The following BRSK2 variants were observed in gnomAD, a reference collection of about 807,000 sequenced individuals.
BRSK2 encodes the protein serine/threonine-protein kinase BRSK2.
BRSK2 carries 19 observed loss-of-function variants against 83.3 expected under a neutral mutation model. That is an observed-to-expected ratio of 0.23 (90% CI 0.16 to 0.33). BRSK2 has a LOEUF of 0.33. Among genes scored for constraint, BRSK2 ranks in the 10% least tolerant of loss-of-function variants. The pLI, the probability that BRSK2 is intolerant of heterozygous loss-of-function variation, is 1.00. For synonymous variants in BRSK2, 519 were observed against 435.4 expected, an observed-to-expected ratio of 1.19 and a Z score of -2.39; for missense variants, 798 against 1,042.3, an observed-to-expected ratio of 0.77 and a Z score of 3.23.
intron 1 of BRSK2, among the ~76,000 whole-genome samples, chr11:1,428,406 T>C (rs1369441868): frequency 6.6e-6 from 1 of 152,188 alleles, no homozygotes; most frequent in Non-Finnish European, 1.5e-5. Context: ...AATGCCTTCT[T>C]CCATGTGGTC....
rs1476869948 is a variant in BRSK2 at position 1,451,540 on chromosome 11, T to C, written c.1544+121T>C. On this transcript the variant is annotated intron_variant, in intron 15 of 19. Coordinates refer to ENST00000528841, the MANE Select transcript of BRSK2 (RefSeq NM_001256627.2). ...TTCTCCACGTGGCCCCACCTCCCACTGCAGGCAGGCCCGTCTCGGCCACTG... is the reference window on the plus strand; with the variant it reads ...TTCTCCACGTGGCCCCACCTCCCACCGCAGGCAGGCCCGTCTCGGCCACTG... 4.8e-6 allele frequency: 5 copies of C among 1,040,538 alleles called. No individual in the cohort carries two copies. In the South Asian group the frequency reaches 5.2e-5, roughly 11 times the overall value. 64.5% of individuals were successfully genotyped at this position (1,040,538 alleles called of 1,614,324 possible).
In BRSK2 at chr11:1,445,580, G is replaced by A. The variant is rs1272727606; in HGVS notation, c.987G>A (p.Gln329=). The A allele has an allele frequency of 3.8e-6, 6 of 1,576,288 alleles. No individual in the cohort carries two copies. In the East Asian group the frequency reaches 1.4e-4, roughly 37 times the overall value. The part of the protein sequence containing the change: ...LQDLLSEEEN[Q]EKMIYFLLLD... ...CTCTCGCCCGCTGTAGGGAGAACCA[G>A]GAGAAGATGATTTACTTCCTCCTCC... Residue 329 remains glutamine (Q), a synonymous_variant, in exon 11 of 20, where the codon CAG becomes CAA. Coordinates refer to ENST00000528841, the MANE Select transcript of BRSK2 (RefSeq NM_001256627.2).
chr11:1,450,138 C>T (rs1042531303), intron 13 of BRSK2, among the ~76,000 whole-genome samples: 1 of 151,728 alleles, frequency 6.6e-6, no homozygotes, highest in Non-Finnish European at 1.5e-5. Context: ...TCTGGTCCTC[C>T]TGTGCCGTGT....
At chr11:1,415,052 T>G (rs528641374) in intron 1 of BRSK2, among the ~76,000 whole-genome samples, 2 of 151,652 alleles carry the variant, frequency 1.3e-5, no homozygotes, top group African/African-American at 4.8e-5. Context: ...CTGAGCTCAG[T>G]TCCTGGGAGC....
Position 1,443,563 on chromosome 11 carries a change from G to A in BRSK2, c.708G>A (p.Pro236=), listed in dbSNP as rs371620006. The A allele has an allele frequency of 3.0e-5, 48 of 1,610,522 alleles. No homozygotes were observed. In the Middle Eastern group the frequency reaches 1.2e-3, roughly 39 times the overall value. Residue 236 remains proline, a synonymous_variant, in exon 8 of 20, where the codon CCG becomes CCA. Coordinates refer to ENST00000528841, the MANE Select transcript of BRSK2 (RefSeq NM_001256627.2). Reference sequence around the variant, plus strand: ...TGAAGCGGGGCGTGTTCCACATGCCGCACTTTATCCCGCCCGACTGCCAGA... The same window carrying A: ...TGAAGCGGGGCGTGTTCCACATGCCACACTTTATCCCGCCCGACTGCCAGA... ...EKVKRGVFHM[P]HFIPPDCQSL...
intron 1 of BRSK2, among the ~76,000 whole-genome samples, chr11:1,413,676 C>T (rs552686555): frequency 6.6e-6 from 1 of 152,336 alleles, no homozygotes; most frequent in African/African-American, 2.4e-5. Flanking sequence ...CCCACTGACC[C>T]TGACAACACA....
chr11:1,440,254 G>C (rs975474792), intron 3 of BRSK2, among the ~76,000 whole-genome samples: 17 of 152,114 alleles, frequency 1.1e-4, no homozygotes, highest in Non-Finnish European at 2.4e-4. Context: ...GCAGGAAGGG[G>C]AGGGCCAGGC....
intron 1 of BRSK2, among the ~76,000 whole-genome samples, chr11:1,424,318 TG>T (rs1195753937): frequency 6.6e-6 from 1 of 152,040 alleles, no homozygotes; most frequent in Non-Finnish European, 1.5e-5. Flanking sequence ...CTGCCTCATG[TG>T]GGGGGTGCCC....
chr11:1,412,702 G>A (rs139146944), intron 1 of BRSK2, among the ~76,000 whole-genome samples: 2,834 of 152,332 alleles, frequency 0.019, 46 homozygotes, highest in Admixed American at 0.03. Flanking sequence ...AGGGACAGTG[G>A]CTGGGGGGTC....
chr11:1,398,259 C>T lies in BRSK2; in HGVS notation c.91+7884C>T, dbSNP rs534485407. Among the ~76,000 whole-genome samples the T allele has an allele frequency of 6.6e-5, 10 of 152,316 alleles. No homozygotes were observed. The East Asian group carries it at 1.7e-3, about 26-fold the overall frequency. On this transcript the variant is annotated intron_variant, in intron 1 of 19. Coordinates refer to ENST00000528841, the MANE Select transcript of BRSK2 (RefSeq NM_001256627.2). Reference sequence around the variant, plus strand: ...CCTCTTCACAGCTAGCATCGGGCCTCGTGTCCTCGGCACCCTGAATCAGCT... The same window carrying T: ...CCTCTTCACAGCTAGCATCGGGCCTTGTGTCCTCGGCACCCTGAATCAGCT...
intron 1 of BRSK2, chr11:1,411,396 C>T: frequency 6.8e-7 from 1 of 1,462,996 alleles, no homozygotes; most frequent in Non-Finnish European, 8.9e-7. Context: ...AGGGCACCAG[C>T]CTCACCCCAT....
intron 18 of BRSK2, among the ~76,000 whole-genome samples, chr11:1,458,082 A>C (rs1240700081): frequency 6.6e-6 from 1 of 152,096 alleles, no homozygotes; most frequent in Non-Finnish European, 1.5e-5. Flanking sequence ...GAGGCCAGGG[A>C]ACGACAGGGC....
At chr11:1,427,610 C>T (rs958033442) in intron 1 of BRSK2, among the ~76,000 whole-genome samples, 11 of 152,210 alleles carry the variant, frequency 7.2e-5, no homozygotes, top group Admixed American at 6.5e-5. Context: ...TGGGGCCTGG[C>T]GTGAGCTGCT....
In BRSK2 at chr11:1,451,413, C is replaced by A. The variant is rs1845806298; in HGVS notation, c.1538C>A (p.Ser513Tyr). ...EEMSNLTPES[S>Y]PELAKKSWFG... is the part of the protein sequence containing the mutation. ...ATGTCCAACCTGACACCAGAGTCGT[C>A]CCCAGAGTAAGTGGCCCCTGCTGGA... The change falls in exon 15 of 20, where the codon TCC becomes TAC. Residue 513 changes from serine (S) to tyrosine (Y), a missense_variant. Around this residue, in one of 6 missense-constraint regions of BRSK2, gnomAD observed 455 missense variants for 455.2 expected, o/e 1.00. Transcript: ENST00000528841. The A allele has an allele frequency of 1.2e-6, 2 of 1,612,864 alleles. No individual in the cohort carries two copies. The highest frequency in any genetic ancestry group is 1.7e-6 in the Non-Finnish European group (2 of 1,179,890).
At chr11:1,433,997 AT>A (rs763622692) in intron 1 of BRSK2, among the ~76,000 whole-genome samples, 12 of 152,272 alleles carry the variant, frequency 7.9e-5, no homozygotes, top group Non-Finnish European at 1.5e-4. Context: ...AAAGGGCAAA[AT>A]AAAGCTAAAA....
At chr11:1,414,657 G>C (rs929069505) in intron 1 of BRSK2, among the ~76,000 whole-genome samples, 1 of 152,140 alleles carries the variant, frequency 6.6e-6, no homozygotes, top group African/African-American at 2.4e-5. Context: ...ATTCAGGGAC[G>C]GTTAGCGCAT....
Position 1,425,280 on chromosome 11 carries a change from G to C in BRSK2, c.92-10760G>C, listed in dbSNP as rs1382950388. On this transcript the variant is annotated intron_variant, in intron 1 of 19. Transcript: ENST00000528841. ...GTCACCCAGGGCTGCCTGATCTGCA[G>C]GCTGGGCTGGAGGGGCTGCTTCCTG... Among the ~76,000 whole-genome samples, 3 of 152,216 alleles carry C rather than the reference G, an allele frequency of 2.0e-5. No homozygotes were observed. The East Asian group carries it at 5.8e-4, about 29-fold the overall frequency.
At chr11:1,442,442 C>A in intron 4 of BRSK2, 48 bp from the exon 5 acceptor site, 1 of 1,509,550 alleles carries the variant, frequency 6.6e-7, no homozygotes, top group Non-Finnish European at 9.2e-7. Context: ...CGGGGAGGCG[C>A]TCAAGGCAGA....
Position 1,445,866 on chromosome 11 carries a change from G to T in BRSK2, c.1185G>T (p.Val395=). The T allele has an allele frequency of 6.2e-7, 1 of 1,611,848 alleles. No homozygotes were observed. The highest frequency in any genetic ancestry group is 8.5e-7 in the Non-Finnish European group (1 of 1,179,418). The part of the protein sequence containing the change: ...VLSVTDGGSP[V]PARRAIEMAQ... The stretch of plus-strand genomic sequence containing the variant: ...GCGTGACGGACGGCGGCTCCCCGGT[G>T]CCTGCGCGGCGGGCCATTGAGATGG... Residue 395 remains valine, a synonymous_variant, in exon 12 of 20, where the codon GTG becomes GTT. Transcript: ENST00000528841.
Sources: gnomAD v4.1 joint callset for allele counts (sites outside exome capture counted in the v4.1 genomes callset) on GRCh38, gnomAD v4.1.1 for gene constraint, gnomAD v4.1.1 regional missense constraint, MANE v1.5 for transcripts, NCBI Gene and HGNC (gene_info 2026-07-23, HGNC 2026-07-21) for gene names.